The following TRIM9 variants were observed in gnomAD, a reference collection of about 807,000 sequenced individuals.
TRIM9 encodes the protein E3 ubiquitin-protein ligase TRIM9.
TRIM9 carries 26 observed loss-of-function variants against 78.3 expected under a neutral mutation model. The ratio of observed to expected loss-of-function variants is 0.33; its 90% CI spans 0.24 to 0.46. The LOEUF is 0.46. Ranked by LOEUF, TRIM9 falls within the 20% of genes least tolerant of loss-of-function variation. The probability of loss-of-function intolerance (pLI) is 1.00; values close to 1 mark genes in which losing one functional copy is unlikely to be tolerated. For synonymous variants in TRIM9, 398 were observed against 416.5 expected (o/e 0.96, Z 0.54); for missense variants, 787 against 1,036.4 (o/e 0.76, Z 3.30).
At chr14:51,071,593 A>G (rs2062272600) in intron 1 of TRIM9, among the ~76,000 whole-genome samples, 1 of 151,780 alleles carries the variant, frequency 6.6e-6, no homozygotes, top group South Asian at 2.1e-4. Context: ...GCTTGAGCTC[A>G]GGAGTTCAGG....
At chr14:50,982,817 A>G in intron 10 of TRIM9, 125 bp downstream of exon 10, 3 of 896,396 alleles carry the variant, frequency 3.3e-6, no homozygotes, top group Non-Finnish European at 5.1e-6. Flanking sequence ...TTACGCCCCA[A>G]GTTCTAAATG....
intron 1 of TRIM9, among the ~76,000 whole-genome samples, chr14:51,088,629 G>A (rs1374292941): frequency 1.3e-5 from 2 of 151,376 alleles, no homozygotes; most frequent in Non-Finnish European, 2.9e-5. Flanking sequence ...CTACATACAT[G>A]GAGTAATTTC....
chr14:51,007,566 G>A (rs2055978724), intron 5 of TRIM9, among the ~76,000 whole-genome samples: 1 of 152,200 alleles, frequency 6.6e-6, no homozygotes, highest in Admixed American at 6.5e-5. Context: ...CTCACTAGCT[G>A]TGGGAGCTCA....
chr14:51,083,151 C>A (rs140366325), intron 1 of TRIM9, among the ~76,000 whole-genome samples: 15 of 152,192 alleles, frequency 9.9e-5, no homozygotes, highest in Middle Eastern at 3.4e-3. Context: ...GACTAGAACT[C>A]GATACTTTTC....
chr14:51,022,770 G>A (rs1002609166), intron 3 of TRIM9, 65 bp downstream of exon 3: 3 of 1,600,354 alleles, frequency 1.9e-6, no homozygotes, highest in Non-Finnish European at 1.7e-6. Flanking sequence ...CTCCCAGCCT[G>A]TCCATCATGC....
chr14:51,006,674 G>T (rs2055841264), intron 5 of TRIM9, among the ~76,000 whole-genome samples: 2 of 152,124 alleles, frequency 1.3e-5, no homozygotes, highest in Non-Finnish European at 2.9e-5. Flanking sequence ...AATGAAAATG[G>T]AAGACTATAA....
Position 51,094,198 on chromosome 14 carries a change from C to A in TRIM9, c.742G>T (p.Val248Leu). The A allele has an allele frequency of 6.2e-7, 1 of 1,614,242 alleles. No homozygotes were observed. The highest frequency in any genetic ancestry group is 8.5e-7 in the Non-Finnish European group (1 of 1,180,044). The change falls in exon 1 of 13, where the codon GTG becomes TTG. Residue 248 changes from valine to leucine, a missense_variant. Physicochemically the swap from Val to Leu is conservative, Grantham distance 32 (BLOSUM62 1). Around this residue, in one of 3 missense-constraint regions of TRIM9, gnomAD observed 352 missense variants for 472.3 expected, o/e 0.75. Transcript: ENST00000684578. Reference sequence around the variant, plus strand: ...CCCTCCTCCAAGCACTGGTAGCACACGGGCATCTTGCATTGCACGCAGTAC... The same window carrying A: ...CCCTCCTCCAAGCACTGGTAGCACAAGGGCATCTTGCATTGCACGCAGTAC... ...SMYCVQCKMP[V>L]CYQCLEEGKH...
In TRIM9 at chr14:51,009,148, A is replaced by G. The variant is rs1256984978; in HGVS notation, c.1238T>C (p.Phe413Ser). 2 of 1,613,996 alleles carry G rather than the reference A, an allele frequency of 1.2e-6. No individual in the cohort carries two copies. Among genetic ancestry groups the G allele is most frequent in the Admixed American group, 3.3e-5 (2 of 60,004 alleles). ...GTLTPRMTTD[F>S]DLSLDNSPLL... The stretch of plus-strand genomic sequence containing the variant: ...AGGGCTGTTGTCCAGACTCAAGTCA[A>G]AGTCCGTGGTCATCCTTGGAGTGAG... Residue 413 changes from phenylalanine (F) to serine (S), a missense_variant, in exon 5 of 13, where the codon TTT (phenylalanine) becomes TCT (serine). Physicochemically the swap from Phe to Ser is radical, Grantham distance 155. Transcript: ENST00000684578.
intron 7 of TRIM9, among the ~76,000 whole-genome samples, chr14:50,991,052 T>G (rs1310633042): frequency 2.6e-5 from 4 of 152,232 alleles, no homozygotes; most frequent in Admixed American, 2.6e-4. Context: ...TTTGAAAACC[T>G]TCTTTTAGAA....
At chr14:50,984,049 A>C (rs2052366266) in intron 8 of TRIM9, among the ~76,000 whole-genome samples, 1 of 152,116 alleles carries the variant, frequency 6.6e-6, no homozygotes, top group African/African-American at 2.4e-5. Flanking sequence ...ATACATTGGA[A>C]TCCCCTGTGG....
intron 1 of TRIM9, among the ~76,000 whole-genome samples, chr14:51,059,632 T>C (rs2061170009): frequency 6.6e-6 from 1 of 152,038 alleles, no homozygotes. Context: ...ACCCCATCTC[T>C]ACTAAAAATA....
At position 50,982,787 on chromosome 14, in the gene TRIM9, T is replaced by C. The variant is rs2052138864; in HGVS notation, c.1858+155A>G. On this transcript the variant is annotated intron_variant, in intron 10 of 12. Transcript: ENST00000684578. ...TTTCGGACATTAGGTGCAGATAGAA[T>C]GATGTCTTTGTACGCATTGTTACGC... is the stretch of plus-strand genomic sequence containing the variant. 15 of 635,430 alleles carry C rather than the reference T, an allele frequency of 2.4e-5. No individual in the cohort carries two copies. In the East Asian group the frequency reaches 3.1e-4, roughly 13 times the overall value. 39.4% of individuals were successfully genotyped at this position (635,430 alleles called of 1,614,324 possible).
intron 1 of TRIM9, among the ~76,000 whole-genome samples, chr14:51,032,653 CAACT>C (rs1198526204): frequency 1.3e-5 from 2 of 152,206 alleles, no homozygotes; most frequent in South Asian, 2.1e-4. Context: ...GAGCACACAA[CAACT>C]AACTATCTCT....
At chr14:51,080,749 A>C (rs907316570) in intron 1 of TRIM9, among the ~76,000 whole-genome samples, 3 of 152,198 alleles carry the variant, frequency 2.0e-5, no homozygotes, top group Admixed American at 2.0e-4. Flanking sequence ...TTAGGAGCCA[A>C]AGATGACAAG....
intron 1 of TRIM9, among the ~76,000 whole-genome samples, chr14:51,092,872 G>A (rs1205380657): frequency 6.6e-6 from 1 of 152,122 alleles, no homozygotes; most frequent in Non-Finnish European, 1.5e-5. Context: ...AAAGCTGAGA[G>A]GGAACTAGCG....
intron 12 of TRIM9, among the ~76,000 whole-genome samples, chr14:50,977,647 G>A (rs540738966): frequency 2.6e-5 from 4 of 152,094 alleles, no homozygotes; most frequent in Non-Finnish European, 4.4e-5. Flanking sequence ...ACAGGCCTTG[G>A]TTTTCAGATA....
intron 1 of TRIM9, among the ~76,000 whole-genome samples, chr14:51,053,114 T>TACA (rs2060565482): frequency 6.6e-6 from 1 of 150,750 alleles, no homozygotes; most frequent in Non-Finnish European, 1.5e-5. Context: ...GAGCCGAGAT[T>TACA]GTGCCACTGC....
rs1451169474 is a variant in TRIM9 at position 50,977,077 on chromosome 14, T to TGGAC, written c.*210_*213dup. 2.7e-6 allele frequency: 1 copy of TGGAC among 374,248 alleles called. No individual in the cohort carries two copies. Among genetic ancestry groups the TGGAC allele is most frequent in the African/African-American group, 2.1e-5 (1 of 48,086 alleles). The allele number at this position is 374,248 out of a possible 1,614,324, so 23.2% of individuals were successfully genotyped here. On this transcript the variant is annotated 3_prime_UTR_variant, in exon 13 of 13. Transcript: ENST00000684578. ...TAGGTCCTTTGTTGGTTAGAATTGT[T>TGGAC]GGACATGGAAGCGGAAGCAGGCATG... is the stretch of plus-strand genomic sequence containing the variant.
At chr14:51,092,218 C>T (rs1032160743) in intron 1 of TRIM9, among the ~76,000 whole-genome samples, 4 of 152,152 alleles carry the variant, frequency 2.6e-5, no homozygotes, top group Non-Finnish European at 5.9e-5. Context: ...AATTTAAATT[C>T]GACTGTTCTG....
Sources: allele counts gnomAD v4.1 joint callset (sites outside exome capture counted in the v4.1 genomes callset), GRCh38; gene constraint gnomAD v4.1.1; regional missense constraint gnomAD v4.1.1; transcripts MANE v1.5; gene names NCBI Gene and HGNC (gene_info 2026-07-23, HGNC 2026-07-21).